RASGEF1A: variants seen among roughly 807,000 people sequenced by gnomAD.
RASGEF1A encodes RasGEF domain family member 1A.
Under a neutral mutation model 56.4 loss-of-function variants are expected in RASGEF1A, and 18 were observed. The ratio of observed to expected loss-of-function variants is 0.32; its 90% confidence interval spans 0.22 to 0.47. RASGEF1A has a LOEUF of 0.47. Ranked by LOEUF, RASGEF1A falls within the 20% of genes least tolerant of loss-of-function variation. The pLI, the probability that RASGEF1A is intolerant of heterozygous loss-of-function variation, is 1.00. For synonymous variants in RASGEF1A, 245 were observed against 242.6 expected (o/e 1.01, Z -0.09); for missense variants, 422 against 627.1 (o/e 0.67, Z 3.49).
chr10:43,229,506 G>T lies in RASGEF1A; in HGVS notation c.-6-23384C>A, dbSNP rs960241701. ...GCTCCAGCGGGGACGCACAGAGGGC[G>T]GCGCGCGGGTCCTCAGGGCGGGCAC... On this transcript the variant is annotated intron_variant, in intron 1 of 12. Transcript: ENST00000395810. 22 of 669,228 alleles carry T rather than the reference G, an allele frequency of 3.3e-5. No homozygotes were observed. The African/African-American group carries it at 4.2e-4, about 13-fold the overall frequency. 41.5% of individuals were successfully genotyped at this position (669,228 alleles called of 1,614,324 possible).
rs755227872 is a variant in RASGEF1A at position 43,201,954 on chromosome 10, G to A, written c.322-9C>T. 2 of 1,602,002 alleles carry A rather than the reference G, an allele frequency of 1.2e-6. No individual in the cohort carries two copies. Among genetic ancestry groups the A allele is most frequent in the Non-Finnish European group, 1.7e-6 (2 of 1,172,626 alleles). On this transcript the variant is annotated splice_polypyrimidine_tract_variant and intron_variant, in intron 3 of 12. Transcript: ENST00000395810. ...AAAGACTTCAGCTTGGCCTGGGGCAGCAGGGGATACAGAGTAAGGCCCCAC... is the reference window on the plus strand; with the variant it reads ...AAAGACTTCAGCTTGGCCTGGGGCAACAGGGGATACAGAGTAAGGCCCCAC...
intron 10 of RASGEF1A, among the ~76,000 whole-genome samples, chr10:43,197,364 G>A (rs1839816238): frequency 6.6e-6 from 1 of 152,234 alleles, no homozygotes; most frequent in African/African-American, 2.4e-5. Flanking sequence ...TGTCTGTGCA[G>A]GGACCCAAAG....
At chr10:43,248,882 G>T (rs1272602915) in intron 1 of RASGEF1A, among the ~76,000 whole-genome samples, 1 of 140,742 alleles carries the variant, frequency 7.1e-6, no homozygotes, top group Admixed American at 7.2e-5. Context: ...AATGGTCAAG[G>T]GGAGACACAA....
intron 1 of RASGEF1A, among the ~76,000 whole-genome samples, chr10:43,242,788 CTCCCGAGG>C (rs77852109): frequency 0.17 from 25,215 of 152,042 alleles, 2,664 homozygotes; most frequent in East Asian, 0.51. Context: ...CCACCTCGGT[CTCCCGAGG>C]TGCTGGGATT....
At position 43,196,089 on chromosome 10, in the gene RASGEF1A, G is replaced by T; in HGVS notation, c.*155C>A. ...CAAAAAAAACTTTGTAAGTGCCAAA[G>T]GTTGATGCGTGAAATAATTACCATT... On this transcript the variant is annotated 3_prime_UTR_variant, in exon 13 of 13. Transcript: ENST00000395810. This position sits in a 1 kb window ranked among gnomAD's most constrained non-coding sequence, Gnocchi z 4.6. The T allele has an allele frequency of 1.4e-6, 1 of 697,988 alleles. No individual in the cohort carries two copies. Among genetic ancestry groups the T allele is most frequent in the Non-Finnish European group, 2.4e-6 (1 of 425,326 alleles). The allele number at this position is 697,988 out of a possible 1,614,324, so 43.2% of individuals were successfully genotyped here.
rs1338520263 is a variant in RASGEF1A at position 43,200,051 on chromosome 10, A to C, written c.756+131T>G. On this transcript the variant is annotated intron_variant, in intron 6 of 12. Coordinates refer to ENST00000395810, the MANE Select transcript of RASGEF1A (RefSeq NM_145313.4). Reference sequence around the variant, plus strand: ...TGCTAGGAGGTCCAGTGCCACATCCATCGGGGCTCATGGCCCAGCACTCCG... The same window carrying C: ...TGCTAGGAGGTCCAGTGCCACATCCCTCGGGGCTCATGGCCCAGCACTCCG... 14 of 737,216 alleles carry C rather than the reference A, an allele frequency of 1.9e-5. No homozygotes were observed. In the East Asian group the frequency reaches 3.5e-4, roughly 18 times the overall value. 45.7% of individuals were successfully genotyped at this position (737,216 alleles called of 1,614,324 possible).
At chr10:43,229,509 G>C (rs375874077) in intron 1 of RASGEF1A, 1 of 688,742 alleles carries the variant, frequency 1.5e-6, no homozygotes, top group Non-Finnish European at 2.2e-6. Context: ...AGAGGGCGGC[G>C]CGCGGGTCCT....
chr10:43,222,221 A>C (rs1212518553), intron 1 of RASGEF1A, among the ~76,000 whole-genome samples: 1 of 152,190 alleles, frequency 6.6e-6, no homozygotes, highest in Admixed American at 6.5e-5. Flanking sequence ...TCATATTATG[A>C]ATCTCAGGGG....
rs573597231 is a variant in RASGEF1A, at chr10:43,205,937, C to T, written c.180G>A (p.Thr60=). Residue 60 remains threonine (T), a synonymous_variant, in exon 2 of 13, where the codon ACG becomes ACA. Coordinates refer to ENST00000395810, the MANE Select transcript of RASGEF1A (RefSeq NM_145313.4). ...TACTCACATCGGGGTAATAGTCCAC[C>T]GTGGGAACAAGGTGCTCCATCAGGG... ...LEALMEHLVP[T]VDYYPDRTYI... is the part of the protein sequence containing the mutation. 25 of 1,613,122 alleles carry T rather than the reference C, an allele frequency of 1.5e-5. No homozygotes were observed. The highest frequency in any genetic ancestry group is 5.3e-5 in the African/African-American group (4 of 75,030).
rs1051880077 is a variant in RASGEF1A, at chr10:43,196,064, CA to C, written c.*179del. 16 of 545,264 alleles carry C rather than the reference CA, an allele frequency of 2.9e-5. No homozygotes were observed. Among genetic ancestry groups the C allele is most frequent in the South Asian group, 6.3e-5 (2 of 31,538 alleles). The allele number at this position is 545,264 out of a possible 1,614,324, so 33.8% of individuals were successfully genotyped here. The stretch of plus-strand genomic sequence containing the variant: ...GCCCTGCCCTGTTATTTAAAATAAA[CA>C]AAAAAAACTTTGTAAGTGCCAAAGG... On this transcript the variant is annotated 3_prime_UTR_variant, in exon 13 of 13. Transcript: ENST00000395810. This position sits in a 1 kb window ranked among gnomAD's most constrained non-coding sequence, Gnocchi z 4.6.
At chr10:43,202,549 A>G in intron 3 of RASGEF1A, 1 of 455,712 alleles carries the variant, frequency 2.2e-6, no homozygotes, top group Admixed American at 2.4e-5. Context: ...CCATCCTCCA[A>G]TCCCCCAGAA....
Position 43,232,485 on chromosome 10 carries a change from C to CTTTTT in RASGEF1A, c.-6-26368_-6-26364dup, listed in dbSNP as rs55766600. On this transcript the variant is annotated intron_variant, in intron 1 of 12. Coordinates refer to ENST00000395810, the MANE Select transcript of RASGEF1A (RefSeq NM_145313.4). ...TCTTTATAAATTACCCAGTCTCCGG[C>CTTTTT]TTTTTTTTTTTTTTTTTTGGAGATG... Among the ~76,000 whole-genome samples, 49 of 123,668 alleles carry CTTTTT rather than the reference C, an allele frequency of 4.0e-4. 1 individual carries two copies. Among genetic ancestry groups the CTTTTT allele is most frequent in the East Asian group, 2.9e-3 (11 of 3,738 alleles). The allele number at this position is 123,668 out of a possible 152,430, so 81.1% of individuals were successfully genotyped here. A position where few individuals can be genotyped will look rare whatever the true frequency, so the allele number is the denominator to read the frequency against.
chr10:43,200,645 C>T, intron 5 of RASGEF1A, 22 bp downstream of exon 5: 1 of 1,595,800 alleles, frequency 6.3e-7, no homozygotes, highest in South Asian at 1.1e-5. Flanking sequence ...CACCCCCAGT[C>T]AGGGCATAAG....
intron 1 of RASGEF1A, chr10:43,207,136 G>A (rs1185901395): frequency 1.0e-6 from 1 of 985,352 alleles, no homozygotes; most frequent in Non-Finnish European, 1.2e-6. Flanking sequence ...GAGGGCCAGA[G>A]GTGGCCTGCC....
intron 1 of RASGEF1A, among the ~76,000 whole-genome samples, chr10:43,247,349 G>A (rs111691398): frequency 1.1e-4 from 1 of 9,050 alleles, no homozygotes; most frequent in Non-Finnish European, 2.0e-4. Context: ...GAAAATGATC[G>A]GTATAGTTCC....
At chr10:43,256,590 G>A (rs17158692) in intron 1 of RASGEF1A, among the ~76,000 whole-genome samples, 3,057 of 152,138 alleles carry the variant, frequency 0.02, 106 homozygotes, top group African/African-American at 0.07. Flanking sequence ...TACCTCTCTC[G>A]GCTTCCAGGG....
intron 1 of RASGEF1A, among the ~76,000 whole-genome samples, chr10:43,260,333 T>G (rs1366133553): frequency 6.6e-6 from 1 of 152,192 alleles, no homozygotes; most frequent in Non-Finnish European, 1.5e-5. Flanking sequence ...ACCTGGGCCC[T>G]GCCTGGCACT....
At chr10:43,248,320 C>T (rs968400266) in intron 1 of RASGEF1A, among the ~76,000 whole-genome samples, 2 of 142,388 alleles carry the variant, frequency 1.4e-5, no homozygotes, top group Non-Finnish European at 3.0e-5. Flanking sequence ...GGCACTACTG[C>T]GCTCCAGCCT....
intron 1 of RASGEF1A, among the ~76,000 whole-genome samples, chr10:43,214,551 C>T (rs1162477986): frequency 2.0e-5 from 3 of 152,168 alleles, no homozygotes; most frequent in African/African-American, 7.2e-5. Context: ...GGCCATCCTC[C>T]AACACCACCA....
Sources: allele counts gnomAD v4.1 joint callset (sites outside exome capture counted in the v4.1 genomes callset), GRCh38; gene constraint gnomAD v4.1.1; non-coding constraint Gnocchi (gnomAD v3.1); transcripts MANE v1.5; gene names NCBI Gene and HGNC (gene_info 2026-07-23, HGNC 2026-07-21).